FAM178B: variants seen among roughly 807,000 people sequenced by gnomAD.
The protein encoded by FAM178B is protein FAM178B.
Under a neutral mutation model 91.7 loss-of-function variants are expected in FAM178B, and 82 were observed. The observed-to-expected ratio is 0.89, with a 90% CI of 0.75 to 1.07. FAM178B has a LOEUF of 1.07. Ranked by LOEUF, FAM178B falls within the 50% of genes least tolerant of loss-of-function variation. FAM178B has a pLI of 0.00. For synonymous variants in FAM178B, 368 were observed against 359.4 expected, an observed-to-expected ratio of 1.02 and a Z score of -0.27; for missense variants, 769 against 846.7, an observed-to-expected ratio of 0.91 and a Z score of 1.14.
In FAM178B at chr2:96,921,319, C is replaced by T. The variant is rs569402704; in HGVS notation, c.1465-57G>A. On this transcript the variant is annotated intron_variant, in intron 11 of 16. Transcript: ENST00000490605. ...GAGGACACCGCCTTCCCCTTGCTCT[C>T]GCCACCCAGCCCGCACAGGGGAGTA... 37 of 1,526,904 alleles carry T rather than the reference C, an allele frequency of 2.4e-5. No individual in the cohort carries two copies. In the African/African-American group the frequency reaches 3.6e-4, roughly 15 times the overall value. 94.6% of individuals were successfully genotyped at this position (1,526,904 alleles called of 1,614,324 possible).
intron 14 of FAM178B, among the ~76,000 whole-genome samples, chr2:96,883,378 G>T (rs750014223): frequency 1.3e-5 from 2 of 152,230 alleles, no homozygotes; most frequent in African/African-American, 2.4e-5. Context: ...TACGCTGAAG[G>T]GGGGCAGGAA....
rs942475106 is a variant in FAM178B, at chr2:96,967,619, G to T, written c.635C>A (p.Ala212Asp). ...CAGCCTCTCTCGCTCCTGCTCCAGG[G>T]CCTGTTCCCTATAGGAAGTCGAGGG... The part of the protein sequence containing the change: ...DYLLQEKREQ[A>D]LEQERERLLL... Residue 212 changes from alanine to aspartate, a missense_variant, in exon 5 of 17, where the codon GCC becomes GAC. Physicochemically the swap from Ala to Asp is moderately radical, Grantham distance 126. Transcript: ENST00000490605. 6.5e-7 allele frequency: 1 copy of T among 1,548,236 alleles called. No homozygotes were observed. The highest frequency in any genetic ancestry group is 1.4e-5 in the African/African-American group (1 of 73,130).
intron 13 of FAM178B, among the ~76,000 whole-genome samples, chr2:96,894,745 ACCC>A (rs1276546241): frequency 6.5e-5 from 2 of 30,680 alleles, no homozygotes; most frequent in Non-Finnish European, 6.1e-5. Flanking sequence ...ACACCCACTC[ACCC>A]CCCCCACAGA....
chr2:96,977,385 A>C (rs1347271153), intron 1 of FAM178B, among the ~76,000 whole-genome samples: 4 of 130,236 alleles, frequency 3.1e-5, no homozygotes, highest in Admixed American at 3.0e-4. Context: ...ACTCCGTCTC[A>C]AAAAAAAAAA....
chr2:96,966,793 A>G (rs578109134), intron 5 of FAM178B, among the ~76,000 whole-genome samples: 1 of 152,306 alleles, frequency 6.6e-6, no homozygotes, highest in South Asian at 2.1e-4. Flanking sequence ...AAAGGGCCCC[A>G]GAGAGCTCTC....
chr2:96,985,567 T>C (rs1008214805), intron 1 of FAM178B, among the ~76,000 whole-genome samples: 3 of 152,206 alleles, frequency 2.0e-5, no homozygotes, highest in Non-Finnish European at 4.4e-5. Flanking sequence ...TGTCTTAAAG[T>C]GTAGCATGAG....
chr2:96,956,285 T>C (rs2081998559), intron 6 of FAM178B, among the ~76,000 whole-genome samples: 1 of 152,216 alleles, frequency 6.6e-6, no homozygotes, highest in East Asian at 1.9e-4. Flanking sequence ...CATAATGACA[T>C]GTGACTGTGG....
At chr2:96,959,901 C>T (rs1466115483) in intron 6 of FAM178B, among the ~76,000 whole-genome samples, 1 of 152,192 alleles carries the variant, frequency 6.6e-6, no homozygotes, top group Non-Finnish European at 1.5e-5. Context: ...GAAGTGCCTC[C>T]AACAAGTATG....
At chr2:96,975,918 T>C (rs2082282132) in intron 1 of FAM178B, among the ~76,000 whole-genome samples, 1 of 151,280 alleles carries the variant, frequency 6.6e-6, no homozygotes, top group Admixed American at 6.6e-5. Flanking sequence ...CGATCTAATA[T>C]ACTACTTTCA....
In FAM178B at chr2:96,964,593, G is replaced by A. The variant is rs548380107; in HGVS notation, c.734+2927C>T. Among the ~76,000 whole-genome samples the A allele has an allele frequency of 3.2e-4, 48 of 151,728 alleles. 1 individual carries two copies. In the South Asian group the frequency reaches 4.8e-3, roughly 15 times the overall value. On this transcript the variant is annotated intron_variant, in intron 5 of 16. Transcript: ENST00000490605. ...CCAGCCTCCCTAGCATCGATTCCCCGCTCCCTTGGTCACTACCATTGGCCT... is the reference window on the plus strand; with the variant it reads ...CCAGCCTCCCTAGCATCGATTCCCCACTCCCTTGGTCACTACCATTGGCCT...
At chr2:96,924,567 T>C (rs1247051279) in intron 9 of FAM178B, among the ~76,000 whole-genome samples, 1 of 152,146 alleles carries the variant, frequency 6.6e-6, no homozygotes, top group Non-Finnish European at 1.5e-5. Context: ...TGGGGCTTTG[T>C]GGATGGCAGT....
intron 5 of FAM178B, among the ~76,000 whole-genome samples, chr2:96,964,980 C>T (rs576873744): frequency 2.6e-4 from 39 of 152,174 alleles, no homozygotes; most frequent in Admixed American, 5.2e-4. Context: ...GGTGATCATC[C>T]GGTTTGGTGG....
In FAM178B at chr2:96,971,909, C is replaced by A. The variant is rs2082223532; in HGVS notation, c.556G>T (p.Ala186Ser). ...NTSGLSQQAA[A>S]PEFSWGGSGS... ...GGTGGACACAGGCTCACCTCTGGGG[C>A]CGCAGCCTGCTGGCTCAGGCCTGAC... Residue 186 changes from alanine (A) to serine (S), a missense_variant, in exon 3 of 17, where the codon GCC (alanine) becomes TCC (serine). Physicochemically the swap from Ala to Ser is moderately conservative, Grantham distance 99. Coordinates refer to ENST00000490605, the MANE Select transcript of FAM178B (RefSeq NM_001122646.3). 3 of 1,493,944 alleles carry A rather than the reference C, an allele frequency of 2.0e-6. No individual in the cohort carries two copies. The highest frequency in any genetic ancestry group is 2.4e-5 in the Admixed American group (1 of 42,136). 92.5% of individuals were successfully genotyped at this position (1,493,944 alleles called of 1,614,324 possible).
At chr2:96,890,362 G>A (rs569233916) in intron 14 of FAM178B, among the ~76,000 whole-genome samples, 8 of 152,296 alleles carry the variant, frequency 5.3e-5, no homozygotes, top group South Asian at 2.1e-4. Flanking sequence ...TACTTGGGAC[G>A]CTGAGGTAGG....
intron 4 of FAM178B, among the ~76,000 whole-genome samples, chr2:96,969,754 C>T (rs1247223642): frequency 6.6e-6 from 1 of 152,208 alleles, no homozygotes; most frequent in Non-Finnish European, 1.5e-5. Flanking sequence ...ACACAAGTTC[C>T]CGGGTCGGAG....
rs182631728 is a variant in FAM178B at position 96,961,406 on chromosome 2, C to T, written c.735-966G>A. Among the ~76,000 whole-genome samples the T allele has an allele frequency of 2.6e-3, 399 of 152,166 alleles. 17 individuals carry two copies. The East Asian group carries it at 0.044, about 17-fold the overall frequency. ...ATGCTCAGACACGTGCAACGCCCAC[C>T]CCCAGCATATGACATATCCCACTAC... On this transcript the variant is annotated intron_variant, in intron 5 of 16. Coordinates refer to ENST00000490605, the MANE Select transcript of FAM178B (RefSeq NM_001122646.3).
intron 13 of FAM178B, among the ~76,000 whole-genome samples, chr2:96,897,553 G>A (rs1378169873): frequency 6.6e-6 from 1 of 152,112 alleles, no homozygotes; most frequent in Non-Finnish European, 1.5e-5. Context: ...GTAGGCAAAG[G>A]GCGTCTCCAT....
chr2:96,965,270 A>G (rs2153375260), intron 5 of FAM178B, among the ~76,000 whole-genome samples: 1 of 151,964 alleles, frequency 6.6e-6, no homozygotes, highest in African/African-American at 2.4e-5. Flanking sequence ...AGCCTCCCAA[A>G]GCGCTGGGAT....
chr2:96,878,624 A>G, intron 14 of FAM178B, 131 bp from the exon 15 acceptor site: 1 of 776,640 alleles, frequency 1.3e-6, no homozygotes, highest in Non-Finnish European at 2.2e-6. Context: ...CTAGGCTTTC[A>G]GCAACAGTTT....
Sources: gnomAD v4.1 joint callset for allele counts (sites outside exome capture counted in the v4.1 genomes callset) on GRCh38, gnomAD v4.1.1 for gene constraint, MANE v1.5 for transcripts, NCBI Gene and HGNC (gene_info 2026-07-23, HGNC 2026-07-21) for gene names.